The following CSMD3 variants were observed in gnomAD, a reference collection of about 807,000 sequenced individuals.
CSMD3 encodes the protein CUB and sushi domain-containing protein 3.
CSMD3 carries 177 observed loss-of-function variants against 435.2 expected under a neutral mutation model. The ratio of observed to expected loss-of-function variants is 0.41; its 90% CI spans 0.36 to 0.46. CSMD3 has a LOEUF of 0.46. Ranked by LOEUF, CSMD3 falls within the 20% of genes least tolerant of loss-of-function variation. The pLI is 0.34. For synonymous variants in CSMD3, 1,656 were observed against 1,520.5 expected, an observed-to-expected ratio of 1.09 and a Z score of -2.07; for missense variants, 4,265 against 4,504.6, an observed-to-expected ratio of 0.95 and a Z score of 1.52.
chr8:112,368,977 T>C (rs879875862), intron 38 of CSMD3, among the ~76,000 whole-genome samples: 23 of 152,188 alleles, frequency 1.5e-4, no homozygotes, highest in Admixed American at 6.6e-4. Context: ...GATAATAGCA[T>C]AATGTTGTAT....
rs374591869 is a variant in CSMD3, at chr8:112,573,661, C to A, written c.3886-4G>T. On this transcript the variant is annotated splice_region_variant and splice_polypyrimidine_tract_variant and intron_variant, in intron 23 of 70. Coordinates refer to ENST00000297405, the MANE Select transcript of CSMD3 (RefSeq NM_198123.2). ...TTTTATCTTTTCCATCATAAATCTGCAAAATATATTTATAATTAAAATGTA... is the reference window on the plus strand; with the variant it reads ...TTTTATCTTTTCCATCATAAATCTGAAAAATATATTTATAATTAAAATGTA... 139 of 1,581,212 alleles carry A rather than the reference C, an allele frequency of 8.8e-5. 1 individual carries two copies. Among genetic ancestry groups the A allele is most frequent in the Admixed American group, 3.8e-4 (23 of 59,826 alleles).
At chr8:112,671,432 C>G (rs1280589135) in intron 16 of CSMD3, among the ~76,000 whole-genome samples, 3 of 152,068 alleles carry the variant, frequency 2.0e-5, no homozygotes, top group Admixed American at 6.6e-5. Flanking sequence ...CATAAATGAT[C>G]TAATCACATT....
chr8:113,347,955 T>C (rs1219194025), intron 1 of CSMD3, among the ~76,000 whole-genome samples: 1 of 151,642 alleles, frequency 6.6e-6, no homozygotes, highest in Non-Finnish European at 1.5e-5. Flanking sequence ...AAGAAAAAAA[T>C]AAATCATTAA....
intron 6 of CSMD3, among the ~76,000 whole-genome samples, chr8:113,005,907 A>G (rs1316658923): frequency 2.6e-5 from 4 of 152,050 alleles, no homozygotes; most frequent in Non-Finnish European, 5.9e-5. Flanking sequence ...TTGCCTGATA[A>G]CAAGATTTAT....
intron 32 of CSMD3, among the ~76,000 whole-genome samples, chr8:112,412,371 T>C (rs1483431697): frequency 6.6e-6 from 1 of 151,968 alleles, no homozygotes; most frequent in Non-Finnish European, 1.5e-5. Context: ...CGTGGTGGTC[T>C]GTTTCTTCAT....
intron 10 of CSMD3, among the ~76,000 whole-genome samples, chr8:112,889,312 G>A (rs1205754083): frequency 2.0e-5 from 3 of 151,578 alleles, no homozygotes; most frequent in Admixed American, 6.6e-5. Flanking sequence ...GACTCAGATG[G>A]CACTCAGCCT....
chr8:113,199,574 A>G (rs1307690020), intron 3 of CSMD3, among the ~76,000 whole-genome samples: 1 of 151,788 alleles, frequency 6.6e-6, no homozygotes, highest in Admixed American at 6.6e-5. Context: ...TTTCCAACAC[A>G]AAATGTGCAC....
chr8:113,275,096 T>C (rs2093559742), intron 3 of CSMD3, among the ~76,000 whole-genome samples: 1 of 152,114 alleles, frequency 6.6e-6, no homozygotes, highest in South Asian at 2.1e-4. Flanking sequence ...ACTATCAATA[T>C]TGTAATTCAT....
intron 22 of CSMD3, among the ~76,000 whole-genome samples, chr8:112,620,910 A>G (rs1457897758): frequency 6.6e-6 from 1 of 152,178 alleles, no homozygotes; most frequent in Non-Finnish European, 1.5e-5. Context: ...TCTGAAATGT[A>G]CTTTCAAATG....
intron 32 of CSMD3, among the ~76,000 whole-genome samples, chr8:112,464,883 C>G (rs1304801274): frequency 3.3e-5 from 5 of 152,082 alleles, no homozygotes. Context: ...AAATGGTGAA[C>G]AAAGAAGTAT....
Position 112,947,847 on chromosome 8 carries a change from T to A in CSMD3, c.1451A>T (p.Asn484Ile). The change falls in exon 9 of 71, where the codon AAT becomes ATT. Residue 484 changes from asparagine (N) to isoleucine (I), a missense_variant. By Grantham distance (149) the Asn-to-Ile change is moderately radical (BLOSUM62 -3). Coordinates refer to ENST00000297405, the MANE Select transcript of CSMD3 (RefSeq NM_198123.2). ...TGGTTCTCCTGGATCTGGGCATAAA[T>A]TGGAAGCTGTTTTAATACCTCCCTC... The part of the protein sequence containing the change: ...LNEGGIKTAS[N>I]LCPDPGEPEN... The A allele has an allele frequency of 6.5e-7, 1 of 1,546,760 alleles. No homozygotes were observed. The highest frequency in any genetic ancestry group is 8.9e-7 in the Non-Finnish European group (1 of 1,120,638).
rs762563598 is a variant in CSMD3, at chr8:112,503,938, A to G, written c.4935T>C (p.Tyr1645=). ...GTGGGCTATTACTGTCTGGTCCATC[A>G]TAGATATAGAGGAAGTCATAGTTTG... ...IEPNYDFLYI[Y]DGPDSNSPLI... Residue 1645 remains tyrosine, a synonymous_variant, in exon 30 of 71, where the codon TAT becomes TAC. Coordinates refer to ENST00000297405, the MANE Select transcript of CSMD3 (RefSeq NM_198123.2). The G allele has an allele frequency of 1.2e-5, 19 of 1,611,104 alleles. No individual in the cohort carries two copies. The highest frequency in any genetic ancestry group is 1.6e-4 in the Middle Eastern group (1 of 6,080).
intron 13 of CSMD3, among the ~76,000 whole-genome samples, chr8:112,795,212 A>C (rs1396683147): frequency 6.6e-6 from 1 of 152,282 alleles, no homozygotes; most frequent in Non-Finnish European, 1.5e-5. Context: ...ATTCACAAAT[A>C]TAATTATTTT....
intron 38 of CSMD3, among the ~76,000 whole-genome samples, chr8:112,373,789 G>A (rs1361800250): frequency 6.6e-6 from 1 of 152,112 alleles, no homozygotes; most frequent in Non-Finnish European, 1.5e-5. Context: ...TTATTGGGCG[G>A]GCGGGAATCG....
intron 60 of CSMD3, 102 bp downstream of exon 60, chr8:112,265,309 G>A (rs1816832557): frequency 4.2e-6 from 3 of 708,250 alleles, no homozygotes; most frequent in Non-Finnish European, 6.5e-6. Flanking sequence ...ATGCAACCTG[G>A]AACTAAAAAA....
At chr8:112,538,090 C>G (rs1395586156) in intron 27 of CSMD3, among the ~76,000 whole-genome samples, 3 of 151,848 alleles carry the variant, frequency 2.0e-5, no homozygotes, top group African/African-American at 7.3e-5. Flanking sequence ...TGGACATAAA[C>G]TATATGAAGC....
At chr8:113,416,578 T>A (rs2094582560) in intron 1 of CSMD3, among the ~76,000 whole-genome samples, 1 of 152,134 alleles carries the variant, frequency 6.6e-6, no homozygotes, top group African/African-American at 2.4e-5. Context: ...ATACTAGTTT[T>A]AGAATCTTAA....
At chr8:113,297,193 G>A (rs1001444628) in intron 2 of CSMD3, among the ~76,000 whole-genome samples, 1 of 151,884 alleles carries the variant, frequency 6.6e-6, no homozygotes, top group African/African-American at 2.4e-5. Flanking sequence ...TATGAAATTA[G>A]GTGCTAGAAA....
rs370205258 is a variant in CSMD3 at position 113,305,180 on chromosome 8, T to C, written c.401+9391A>G. On this transcript the variant is annotated intron_variant, in intron 2 of 70. Transcript: ENST00000297405. ...GTTGGGGGAGGGGGGAGGGATAGCA[T>C]TGGGAGATATACCTAATGATAGATG... Among the ~76,000 whole-genome samples the C allele has an allele frequency of 2.8e-3, 424 of 148,796 alleles. 2 individuals carry two copies. The highest frequency in any genetic ancestry group is 9.4e-3 in the African/African-American group (382 of 40,442).
Sources: allele counts gnomAD v4.1 joint callset (sites outside exome capture counted in the v4.1 genomes callset), GRCh38; gene constraint gnomAD v4.1.1; transcripts MANE v1.5; gene names NCBI Gene and HGNC (gene_info 2026-07-23, HGNC 2026-07-21).